Variants in KLK12 observed in about 807,000 individuals in gnomAD.
KLK12 encodes kallikrein-12.
KLK12 carries 23 observed loss-of-function variants against 20.0 expected under a neutral mutation model. That is an observed-to-expected ratio of 1.15 (90% CI 0.83 to 1.63). The LOEUF (loss-of-function observed/expected upper bound fraction) is 1.63, where lower values mean the gene tolerates loss of function less well. Ranked by LOEUF, KLK12 falls within the 40% of genes most tolerant of loss-of-function variation. KLK12 has a pLI of 0.00. For synonymous variants in KLK12, 147 were observed against 141.9 expected, an observed-to-expected ratio of 1.04 and a Z score of -0.25; for missense variants, 351 against 338.6, an observed-to-expected ratio of 1.04 and a Z score of -0.29.
Position 51,034,049 on chromosome 19 carries a change from G to A in KLK12, c.128C>T (p.Thr43Ile). ...QPWQVGLFEG[T>I]SLRCGGVLID... is the part of the protein sequence containing the mutation. ...AAGGACACCCCCGCAGCGCAGGCTG[G>A]TGCCCTCAAACAGCCCCACCTGCCA... Residue 43 changes from threonine (T) to isoleucine (I), a missense_variant, in exon 3 of 6, where the codon ACC (threonine) becomes ATC (isoleucine). By Grantham distance (89) the Thr-to-Ile change is moderately conservative. Transcript: ENST00000684732. 5.0e-6 allele frequency: 8 copies of A among 1,595,598 alleles called. No homozygotes were observed. Among genetic ancestry groups the A allele is most frequent in the Non-Finnish European group, 6.8e-6 (8 of 1,171,150 alleles).
At chr19:51,032,787 C>T (rs2091572678) in intron 3 of KLK12, among the ~76,000 whole-genome samples, 1 of 152,130 alleles carries the variant, frequency 6.6e-6, no homozygotes, top group Non-Finnish European at 1.5e-5. Flanking sequence ...GAGCATGTGC[C>T]CTCCATGCTC....
At chr19:51,033,519 G>A (rs1599771913) in intron 3 of KLK12, among the ~76,000 whole-genome samples, 3 of 152,190 alleles carry the variant, frequency 2.0e-5, no homozygotes, top group Admixed American at 1.3e-4. Flanking sequence ...AGGAGGCTGG[G>A]GCAGGAGAAT....
At position 51,032,017 on chromosome 19, in the gene KLK12, C is replaced by T. The variant is rs368877002; in HGVS notation, c.316G>A (p.Glu106Lys). The T allele has an allele frequency of 9.8e-5, 158 of 1,610,552 alleles. No homozygotes were observed. The highest frequency in any genetic ancestry group is 1.2e-4 in the Non-Finnish European group (142 of 1,179,350). ...AGCCGCAGCAGCCGGAGGTCGTGCT[C>T]GTGGCTCGTCGAGGCTCCCAGGTAG... Reference protein sequence around the residue: ...PGYLGASTSHEHDLRLLRLRL... With the variant: ...PGYLGASTSHKHDLRLLRLRL... The change falls in exon 4 of 6, where the codon GAG becomes AAG. Residue 106 changes from glutamate (E) to lysine (K), a missense_variant. By Grantham distance (56) the Glu-to-Lys change is moderately conservative. Transcript: ENST00000684732.
chr19:51,029,524 T>C, intron 5 of KLK12, 67 bp from the exon 6 acceptor site: 1 of 1,331,268 alleles, frequency 7.5e-7, no homozygotes, highest in Non-Finnish European at 1.1e-6. Flanking sequence ...TCCCCAACCC[T>C]TCAACCCAGT....
rs2091595691 is a variant in KLK12 at position 51,034,798 on chromosome 19, C to T, written c.-20+8G>A. 6.8e-7 allele frequency: 1 copy of T among 1,478,266 alleles called. No individual in the cohort carries two copies. Among genetic ancestry groups the T allele is most frequent in the African/African-American group, 1.4e-5 (1 of 71,502 alleles). The allele number at this position is 1,478,266 out of a possible 1,614,324, so 91.6% of individuals were successfully genotyped here. On this transcript the variant is annotated splice_region_variant and intron_variant, in intron 1 of 5. Coordinates refer to ENST00000684732, the MANE Select transcript of KLK12 (RefSeq NM_001370125.1). ...TCCCTCATTGGCAGTCGCCTACCTCCTTCTCACCTTGTCTCTTTGTCTGCC... is the reference window on the plus strand; with the variant it reads ...TCCCTCATTGGCAGTCGCCTACCTCTTTCTCACCTTGTCTCTTTGTCTGCC...
chr19:51,032,121 C>G lies in KLK12; in HGVS notation c.212G>C (p.Arg71Pro). The G allele has an allele frequency of 6.2e-7, 1 of 1,602,148 alleles. No individual in the cohort carries two copies. The highest frequency in any genetic ancestry group is 1.1e-5 in the South Asian group (1 of 90,194). The change falls in exon 4 of 6, where the codon CGC becomes CCC. Residue 71 changes from arginine (R) to proline (P), a missense_variant. By Grantham distance (103) the Arg-to-Pro change is moderately radical. Transcript: ENST00000684732. ...AHCSGSRYWV[R>P]LGEHSLSQLD... ...CTGGCTGAGGCTGTGTTCCCCCAGGCGCACCCAGTACCTGCTGCCGGTGGC... is the reference window on the plus strand; with the variant it reads ...CTGGCTGAGGCTGTGTTCCCCCAGGGGCACCCAGTACCTGCTGCCGGTGGC...
intron 2 of KLK12, chr19:51,034,343 A>T: frequency 8.3e-7 from 1 of 1,208,580 alleles, no homozygotes; most frequent in Non-Finnish European, 1.1e-6. Context: ...TACACATAGG[A>T]GGGAAATGGA....
chr19:51,033,623 TA>T (rs937663919), intron 3 of KLK12, among the ~76,000 whole-genome samples: 41 of 150,010 alleles, frequency 2.7e-4, no homozygotes, highest in African/African-American at 9.8e-4. Flanking sequence ...CTCAAAAAAA[TA>T]AAAAAAAGAA....
At position 51,029,303 on chromosome 19, in the gene KLK12, C is replaced by T. The variant is rs549743951; in HGVS notation, c.746G>A (p.Ter249=). Reference sequence around the variant, plus strand: ...GGGGGTGGAGGTGGAGGAAACAGGTCAGTTGTTCCTCATGATCATCCGGAT... The same window carrying T: ...GGGGGTGGAGGTGGAGGAAACAGGTTAGTTGTTCCTCATGATCATCCGGAT... The part of the protein sequence containing the change: ...DWIRMIMRNN[*] Residue 249 remains the stop codon, a stop_retained_variant, in exon 6 of 6, where the codon TGA becomes TAA. Transcript: ENST00000684732. 5 of 1,614,002 alleles carry T rather than the reference C, an allele frequency of 3.1e-6. No individual in the cohort carries two copies. In the South Asian group the frequency reaches 5.5e-5, roughly 18 times the overall value.
Position 51,030,923 on chromosome 19 carries a change from T to G in KLK12, c.458-2A>C, listed in dbSNP as rs750843926. 3.1e-6 allele frequency: 5 copies of G among 1,613,968 alleles called. No homozygotes were observed. The highest frequency in any genetic ancestry group is 4.2e-6 in the Non-Finnish European group (5 of 1,180,018). ...ACTGGAGCAGATCCGGGAATGGGTC[T>G]GGAGAGAGAACATGCGTGCTGCAGG... On this transcript the variant is annotated splice_acceptor_variant, in intron 4 of 5. Coordinates refer to ENST00000684732, the MANE Select transcript of KLK12 (RefSeq NM_001370125.1). LOFTEE classifies it high-confidence loss of function.
chr19:51,032,526 A>G (rs1158476480), intron 3 of KLK12, among the ~76,000 whole-genome samples: 2 of 151,638 alleles, frequency 1.3e-5, no homozygotes, highest in African/African-American at 4.9e-5. Context: ...AGCTGGGATT[A>G]CAGAAGCATG....
chr19:51,030,765 G>T, intron 5 of KLK12, 23 bp downstream of exon 5: 3 of 1,612,190 alleles, frequency 1.9e-6, no homozygotes, highest in Non-Finnish European at 2.5e-6. Context: ...TGGTGACCAC[G>T]CACGCTGCCT....
chr19:51,030,729 C>T (rs1247027353), intron 5 of KLK12, 59 bp downstream of exon 5: 6 of 1,606,266 alleles, frequency 3.7e-6, no homozygotes, highest in Non-Finnish European at 5.1e-6. Flanking sequence ...CTCCTGCTTC[C>T]AGCCCCTCCC....
At chr19:51,030,452 C>T (rs1283756264) in intron 5 of KLK12, among the ~76,000 whole-genome samples, 2 of 151,750 alleles carry the variant, frequency 1.3e-5, no homozygotes, top group African/African-American at 2.4e-5. Flanking sequence ...CGGGATCAAG[C>T]GATTCTCCTG....
At chr19:51,031,289 T>C (rs1185868172) in intron 4 of KLK12, among the ~76,000 whole-genome samples, 1 of 152,112 alleles carries the variant, frequency 6.6e-6, no homozygotes, top group East Asian at 1.9e-4. Flanking sequence ...TTCTGTCTCC[T>C]GACCCCATGT....
chr19:51,034,341 G>T, intron 2 of KLK12: 1 of 1,199,768 alleles, frequency 8.3e-7, no homozygotes, highest in Non-Finnish European at 1.1e-6. Flanking sequence ...CTTACACATA[G>T]GAGGGAAATG....
intron 3 of KLK12, among the ~76,000 whole-genome samples, chr19:51,032,705 G>A (rs1273471052): frequency 2.6e-5 from 4 of 151,862 alleles, no homozygotes; most frequent in Non-Finnish European, 5.9e-5. Flanking sequence ...TGATTCTCTC[G>A]GCTGGTGAAG....
At chr19:51,034,406 A>C in intron 2 of KLK12, 179 bp downstream of exon 2, 1 of 1,448,152 alleles carries the variant, frequency 6.9e-7, no homozygotes. Context: ...AAAATAGGGG[A>C]GACCGAGGTG....
chr19:51,034,785 A>G (rs1363150334), intron 1 of KLK12, 21 bp downstream of exon 1: 1 of 1,494,050 alleles, frequency 6.7e-7, no homozygotes, highest in Non-Finnish European at 8.9e-7. Flanking sequence ...CCTCATTGGC[A>G]GTCGCCTACC....
Sources: allele counts gnomAD v4.1 joint callset (sites outside exome capture counted in the v4.1 genomes callset), GRCh38; gene constraint gnomAD v4.1.1; transcripts MANE v1.5; gene names NCBI Gene and HGNC (gene_info 2026-07-23, HGNC 2026-07-21).